Variants in GALNTL5 observed in about 807,000 individuals in gnomAD.
The protein encoded by GALNTL5 is inactive polypeptide N-acetylgalactosaminyltransferase-like protein 5.
A neutral mutation model predicts 51.0 loss-of-function variants in GALNTL5; 44 were observed. The ratio of observed to expected loss-of-function variants is 0.86; its 90% CI spans 0.68 to 1.11. The LOEUF (loss-of-function observed/expected upper bound fraction) is 1.11. Ranked by LOEUF, GALNTL5 falls within the 50% of genes least tolerant of loss-of-function variation. GALNTL5 has a pLI of 0.00. For synonymous variants in GALNTL5, 192 were observed against 182.8 expected (o/e 1.05, Z -0.41); for missense variants, 528 against 531.8 (o/e 0.99, Z 0.07).
chr7:152,012,682 T>G (rs1299872439), intron 7 of GALNTL5, among the ~76,000 whole-genome samples: 1 of 152,178 alleles, frequency 6.6e-6, no homozygotes, highest in Non-Finnish European at 1.5e-5. Flanking sequence ...AACAGCGGAC[T>G]GGGGCCAGGC....
At chr7:151,956,852 C>T (rs995447873) in intron 1 of GALNTL5, among the ~76,000 whole-genome samples, 5 of 151,982 alleles carry the variant, frequency 3.3e-5, no homozygotes, top group African/African-American at 9.7e-5. Context: ...AATAGGGAAA[C>T]TTTTCATTAC....
chr7:151,967,633 T>G, intron 2 of GALNTL5, 140 bp downstream of exon 2: 1 of 546,098 alleles, frequency 1.8e-6, no homozygotes, highest in Non-Finnish European at 3.0e-6. Flanking sequence ...AGTGTATATA[T>G]CTATACATAG....
intron 3 of GALNTL5, among the ~76,000 whole-genome samples, chr7:151,976,959 C>T (rs978051274): frequency 1.3e-5 from 2 of 152,154 alleles, no homozygotes; most frequent in African/African-American, 2.4e-5. Context: ...TGAGCCACTG[C>T]ACCTGGCCTA....
Position 152,002,883 on chromosome 7 carries a change from T to C in GALNTL5, c.828T>C (p.Phe276=), listed in dbSNP as rs768241619. Residue 276 remains phenylalanine (F), a synonymous_variant, in exon 6 of 9, where the codon TTT becomes TTC. Coordinates refer to ENST00000392800, the MANE Select transcript of GALNTL5 (RefSeq NM_145292.4). ...YKPSPLVRGT[F]DWNLQFKWDN... ...CCTCTCCTCTTGTAAGGGGAACTTT[T>C]GATTGGAACCTACAATTTAAATGGG... is the stretch of plus-strand genomic sequence containing the variant. The C allele has an allele frequency of 7.4e-6, 12 of 1,613,966 alleles. 1 individual carries two copies. The highest frequency in any genetic ancestry group is 1.7e-5 in the Admixed American group (1 of 60,000).
At chr7:151,999,923 A>G (rs1283863116) in intron 5 of GALNTL5, among the ~76,000 whole-genome samples, 1 of 152,226 alleles carries the variant, frequency 6.6e-6, no homozygotes, top group Non-Finnish European at 1.5e-5. Context: ...TAGAGATCTG[A>G]GAACCAATGA....
At chr7:151,981,308 GCGTGCCAGGCACTGCTCT>G (rs2081959063) in intron 3 of GALNTL5, among the ~76,000 whole-genome samples, 1 of 152,156 alleles carries the variant, frequency 6.6e-6, no homozygotes, top group African/African-American at 2.4e-5. Flanking sequence ...AATACTTACT[GCGTGCCAGGCACTGCTCT>G]AAGTGTTGTA....
intron 1 of GALNTL5, among the ~76,000 whole-genome samples, chr7:151,959,379 G>T (rs13221211): frequency 6.6e-6 from 1 of 151,796 alleles, no homozygotes; most frequent in Non-Finnish European, 1.5e-5. Context: ...CTTTTCAGGC[G>T]TCCTAATTCG....
intron 3 of GALNTL5, among the ~76,000 whole-genome samples, chr7:151,975,762 T>A (rs564781888): frequency 2.3e-4 from 35 of 152,272 alleles, no homozygotes; most frequent in East Asian, 9.6e-4. Context: ...TATTTTTTTT[T>A]ATTTCCATTT....
intron 3 of GALNTL5, among the ~76,000 whole-genome samples, chr7:151,976,902 A>G (rs1425583096): frequency 6.6e-6 from 1 of 152,144 alleles, no homozygotes; most frequent in Non-Finnish European, 1.5e-5. Context: ...TCCTGACCTC[A>G]GGTGATCCAA....
intron 8 of GALNTL5, among the ~76,000 whole-genome samples, chr7:152,016,553 T>C (rs2081817139): frequency 6.6e-6 from 1 of 152,216 alleles, no homozygotes. Flanking sequence ...CTGAATACCT[T>C]GTGATTCAGC....
intron 4 of GALNTL5, among the ~76,000 whole-genome samples, chr7:151,986,865 A>G (rs1257003013): frequency 6.6e-6 from 1 of 151,498 alleles, no homozygotes; most frequent in Non-Finnish European, 1.5e-5. Flanking sequence ...ACCTGGGATT[A>G]CAGGCGCCCA....
In GALNTL5 at chr7:152,002,863, C is replaced by T. The variant is rs1385855270; in HGVS notation, c.808C>T (p.Pro270Ser). 6 of 1,614,124 alleles carry T rather than the reference C, an allele frequency of 3.7e-6. No individual in the cohort carries two copies. In the South Asian group the frequency reaches 6.6e-5, roughly 18 times the overall value. ...TAGAACTCTGGAGTATAAGCCCTCT[C>T]CTCTTGTAAGGGGAACTTTTGATTG... ...DDRTLEYKPS[P>S]LVRGTFDWNL... Residue 270 changes from proline to serine, a missense_variant, in exon 6 of 9, where the codon CCT becomes TCT. By Grantham distance (74) the Pro-to-Ser change is moderately conservative (BLOSUM62 -1). Coordinates refer to ENST00000392800, the MANE Select transcript of GALNTL5 (RefSeq NM_145292.4).
chr7:152,006,392 C>G (rs1288952115), intron 6 of GALNTL5, among the ~76,000 whole-genome samples: 1 of 152,124 alleles, frequency 6.6e-6, no homozygotes, highest in African/African-American at 2.4e-5. Flanking sequence ...GAAGTGGGGT[C>G]AAAATAAGGC....
At chr7:152,015,135 A>G (rs2081790541) in intron 8 of GALNTL5, among the ~76,000 whole-genome samples, 1 of 152,126 alleles carries the variant, frequency 6.6e-6, no homozygotes, top group African/African-American at 2.4e-5. Flanking sequence ...CCCCTCATCA[A>G]TCCATCCCCA....
At chr7:152,012,985 A>G (rs921911552) in intron 7 of GALNTL5, among the ~76,000 whole-genome samples, 2 of 152,202 alleles carry the variant, frequency 1.3e-5, no homozygotes, top group Non-Finnish European at 2.9e-5. Context: ...AAAATGTGGT[A>G]CATATACACC....
chr7:151,998,266 G>T lies in GALNTL5; in HGVS notation c.659-4448G>T, dbSNP rs189227445. On this transcript the variant is annotated intron_variant, in intron 5 of 8. Transcript: ENST00000392800. ...GATAATTTAAAAATATAAAAACATA[G>T]ATTAATACTTGCCTGTTTTATGAAT... is the stretch of plus-strand genomic sequence containing the variant. Among the ~76,000 whole-genome samples the T allele has an allele frequency of 3.3e-5, 5 of 151,902 alleles. No homozygotes were observed. The East Asian group carries it at 9.7e-4, about 29-fold the overall frequency.
intron 5 of GALNTL5, among the ~76,000 whole-genome samples, chr7:151,999,786 A>G (rs1440773913): frequency 1.3e-5 from 2 of 152,238 alleles, no homozygotes; most frequent in Non-Finnish European, 2.9e-5. Flanking sequence ...TGTGCTGCCA[A>G]TAGTATGAAA....
At chr7:151,997,927 T>C (rs1403980922) in intron 5 of GALNTL5, among the ~76,000 whole-genome samples, 1 of 152,184 alleles carries the variant, frequency 6.6e-6, no homozygotes, top group Non-Finnish European at 1.5e-5. Context: ...CATAGCCAGG[T>C]GTGGTGGCTC....
intron 4 of GALNTL5, among the ~76,000 whole-genome samples, chr7:151,986,918 G>A (rs797018517): frequency 6.6e-5 from 10 of 151,480 alleles, no homozygotes; most frequent in African/African-American, 1.9e-4. Context: ...TAGAGAGGGG[G>A]TTTTCACCAT....
Sources: allele counts gnomAD v4.1 joint callset (sites outside exome capture counted in the v4.1 genomes callset), GRCh38; gene constraint gnomAD v4.1.1; transcripts MANE v1.5; gene names NCBI Gene and HGNC (gene_info 2026-07-23, HGNC 2026-07-21).